XRRA1: variants seen among roughly 807,000 people sequenced by gnomAD.
XRRA1 encodes X-ray radiation resistance associated 1.
In XRRA1, 69 loss-of-function variants were observed where a neutral mutation model predicts 80.2. The ratio of observed to expected loss-of-function variants is 0.86; its 90% CI spans 0.71 to 1.05. The LOEUF is 1.05. Ranked by LOEUF, XRRA1 falls within the 50% of genes least tolerant of loss-of-function variation. The probability of loss-of-function intolerance (pLI) is 0.00; values close to 1 mark genes in which losing one functional copy is unlikely to be tolerated. For synonymous variants in XRRA1, 348 were observed against 389.9 expected (o/e 0.89, Z 1.27); for missense variants, 967 against 976.4 (o/e 0.99, Z 0.13).
chr11:74,847,151 A>C (rs1294276199), intron 15 of XRRA1, among the ~76,000 whole-genome samples: 1 of 152,160 alleles, frequency 6.6e-6, no homozygotes, highest in East Asian at 1.9e-4. Flanking sequence ...TATATTCTGC[A>C]TTGCTCCAAA....
chr11:74,883,385 G>A (rs1203092354), intron 10 of XRRA1, among the ~76,000 whole-genome samples: 3 of 152,072 alleles, frequency 2.0e-5, no homozygotes, highest in South Asian at 2.1e-4. Flanking sequence ...CACGGTGTGC[G>A]CACCCACTGA....
intron 10 of XRRA1, among the ~76,000 whole-genome samples, chr11:74,890,314 C>T (rs1418453696): frequency 2.6e-5 from 4 of 152,082 alleles, no homozygotes; most frequent in African/African-American, 4.8e-5. Flanking sequence ...GGGTACACAA[C>T]GAAATGAAGG....
chr11:74,916,464 G>A (rs559920495), intron 8 of XRRA1, among the ~76,000 whole-genome samples: 1 of 152,088 alleles, frequency 6.6e-6, no homozygotes, highest in African/African-American at 2.4e-5. Flanking sequence ...AAACTCTCCA[G>A]TGAATTTTTC....
At chr11:74,924,303 G>A (rs1256619228) in intron 7 of XRRA1, among the ~76,000 whole-genome samples, 8 of 150,088 alleles carry the variant, frequency 5.3e-5, no homozygotes, top group East Asian at 2.0e-4. Context: ...GTGAAACCCC[G>A]TCTCTACTAA....
intron 13 of XRRA1, 108 bp from the exon 14 acceptor site, chr11:74,851,311 T>C (rs938758102): frequency 1.9e-5 from 14 of 745,864 alleles, no homozygotes; most frequent in African/African-American, 1.4e-4. Context: ...CTGAAACTTA[T>C]TCTCAACCCT....
At position 74,905,164 on chromosome 11, in the gene XRRA1, A is replaced by G. The variant is rs139878498; in HGVS notation, c.1003+1075T>C. 2.7e-3 allele frequency among the ~76,000 whole-genome samples: 417 copies of G among 152,200 alleles called. 2 individuals carry two copies. In the Middle Eastern group the frequency reaches 0.041, roughly 15 times the overall value. On this transcript the variant is annotated intron_variant, in intron 10 of 18. Coordinates refer to ENST00000684022, the MANE Select transcript of XRRA1 (RefSeq NM_001378157.1). ...AAGGGATCCTCCTGCCTCAGCCCCC[A>G]GTAGCCAGGACTATAGGTGCATGCC...
intron 8 of XRRA1, among the ~76,000 whole-genome samples, chr11:74,909,314 C>T (rs759957455): frequency 8.0e-4 from 122 of 152,172 alleles, no homozygotes; most frequent in Non-Finnish European, 1.5e-3. Context: ...GACCAACTTT[C>T]ATACATTGAA....
intron 6 of XRRA1, among the ~76,000 whole-genome samples, chr11:74,929,864 A>G (rs1943100678): frequency 6.6e-6 from 1 of 152,186 alleles, no homozygotes; most frequent in South Asian, 2.1e-4. Context: ...CCATGAGCTC[A>G]CCAGAGCAGG....
intron 7 of XRRA1, among the ~76,000 whole-genome samples, chr11:74,924,923 T>C (rs556361365): frequency 6.6e-6 from 1 of 152,348 alleles, no homozygotes; most frequent in East Asian, 1.9e-4. Flanking sequence ...ATGGCTGTTT[T>C]CCATTATACA....
Position 74,859,152 on chromosome 11 carries a change from A to C in XRRA1, c.1170+6T>G, listed in dbSNP as rs1011630913. On this transcript the variant is annotated splice_donor_region_variant and intron_variant, in intron 12 of 18. Transcript: ENST00000684022. ...CTGAGTAAACAGGAGAGGAGCAGAA[A>C]GTCACCTTGTTGTAGGCCAGGCTAA... The C allele has an allele frequency of 6.3e-7, 1 of 1,590,996 alleles. No individual in the cohort carries two copies. The highest frequency in any genetic ancestry group is 1.4e-5 in the African/African-American group (1 of 73,232).
intron 13 of XRRA1, 81 bp downstream of exon 13, chr11:74,851,908 G>T: frequency 8.5e-7 from 1 of 1,176,466 alleles, no homozygotes; most frequent in Non-Finnish European, 1.3e-6. Flanking sequence ...CCAGGGCTTG[G>T]CATTGATGAG....
chr11:74,876,594 T>G (rs980932475), intron 10 of XRRA1: 7 of 151,960 alleles, frequency 4.6e-5, no homozygotes, highest in African/African-American at 1.7e-4. Context: ...TAAGCCCAAG[T>G]TAGGAAGGGC....
intron 14 of XRRA1, among the ~76,000 whole-genome samples, chr11:74,849,012 A>G (rs982316045): frequency 4.6e-5 from 7 of 152,196 alleles, no homozygotes; most frequent in Non-Finnish European, 7.4e-5. Flanking sequence ...GATCTCTCTG[A>G]AAGATTCAGG....
At chr11:74,892,879 T>G (rs1478261100) in intron 10 of XRRA1, among the ~76,000 whole-genome samples, 9 of 151,514 alleles carry the variant, frequency 5.9e-5, no homozygotes, top group Non-Finnish European at 1.3e-4. Flanking sequence ...CCAGTTAGAA[T>G]GGTGATCATT....
chr11:74,887,650 G>A (rs2049392900), intron 10 of XRRA1, among the ~76,000 whole-genome samples: 1 of 152,186 alleles, frequency 6.6e-6, no homozygotes, highest in Non-Finnish European at 1.5e-5. Context: ...TAGCGCAAGG[G>A]GTCAGGGAAT....
intron 10 of XRRA1, among the ~76,000 whole-genome samples, chr11:74,889,447 A>C (rs1486215279): frequency 6.6e-6 from 1 of 152,214 alleles, no homozygotes; most frequent in Non-Finnish European, 1.5e-5. Flanking sequence ...CACTGCAAAA[A>C]CATGCCAAAT....
chr11:74,917,543 T>C (rs542332214), intron 8 of XRRA1, among the ~76,000 whole-genome samples: 14 of 152,330 alleles, frequency 9.2e-5, no homozygotes, highest in Non-Finnish European at 2.1e-4. Context: ...TCTAGTGAAA[T>C]AGTCTTTGAT....
chr11:74,918,308 G>GTGTGTGTA (rs1555084841), intron 8 of XRRA1, among the ~76,000 whole-genome samples: 1 of 150,396 alleles, frequency 6.6e-6, no homozygotes, highest in Non-Finnish European at 1.5e-5. Context: ...TAGTGTGTGT[G>GTGTGTGTA]TGTGTGTGTG....
intron 10 of XRRA1, among the ~76,000 whole-genome samples, chr11:74,874,432 T>C (rs1401933229): frequency 6.6e-6 from 1 of 151,962 alleles, no homozygotes; most frequent in African/African-American, 2.4e-5. Context: ...CTGGGAGTTT[T>C]AACTCAAGCC....
Sources: gnomAD v4.1 joint callset for allele counts (sites outside exome capture counted in the v4.1 genomes callset) on GRCh38, gnomAD v4.1.1 for gene constraint, MANE v1.5 for transcripts, NCBI Gene and HGNC (gene_info 2026-07-23, HGNC 2026-07-21) for gene names.